Variants in NOX4 observed in about 807,000 individuals in gnomAD.
NOX4 encodes the protein NADPH oxidase 4, also known as kidney oxidase-1.
NOX4 carries 69 observed loss-of-function variants against 87.6 expected under a neutral mutation model. That is an observed-to-expected ratio of 0.79 (90% confidence interval 0.65 to 0.96). The LOEUF is 0.96. Ranked by LOEUF, NOX4 falls within the 40% of genes least tolerant of loss-of-function variation. NOX4 has a pLI of 0.00. For missense variants in NOX4, 680 were observed against 681.5 expected, an observed-to-expected ratio of 1.00 and a Z score of 0.02; for synonymous variants, 275 against 238.2, an observed-to-expected ratio of 1.15 and a Z score of -1.42.
At chr11:89,330,638 A>C (rs554703089) in intron 17 of NOX4, among the ~76,000 whole-genome samples, 1 of 151,670 alleles carries the variant, frequency 6.6e-6, no homozygotes, top group Admixed American at 6.6e-5. Flanking sequence ...GAAAAAAAAA[A>C]AAAAATACAG....
chr11:89,520,705 A>G, the NOX4 span, among the ~76,000 whole-genome samples: 3 of 152,126 alleles, frequency 2.0e-5, no homozygotes, highest in Non-Finnish European at 4.4e-5. Flanking sequence ...TAGAGCAATC[A>G]GGCAAGAGAA....
intron 7 of NOX4, among the ~76,000 whole-genome samples, chr11:89,427,807 C>G (rs1462925805): frequency 6.6e-6 from 1 of 152,152 alleles, no homozygotes. Flanking sequence ...AAGATATTAT[C>G]CAGGAGAACT....
Position 89,440,718 on chromosome 11 carries a change from G to T in NOX4, c.448-3C>A. The T allele has an allele frequency of 6.6e-7, 1 of 1,507,484 alleles. No individual in the cohort carries two copies. The highest frequency in any genetic ancestry group is 9.1e-7 in the Non-Finnish European group (1 of 1,101,164). The allele number at this position is 1,507,484 out of a possible 1,614,324, so 93.4% of individuals were successfully genotyped here. A position where few individuals can be genotyped will look rare whatever the true frequency, so the allele number is the denominator to read the frequency against. On this transcript the variant is annotated splice_region_variant and splice_polypyrimidine_tract_variant and intron_variant, in intron 5 of 17. Transcript: ENST00000263317. ...GTGAAGAGAAGTTTTCTAGGATCCTGAGAAAAAGAAAAAAAAATAAATGAT... is the reference window on the plus strand; with the variant it reads ...GTGAAGAGAAGTTTTCTAGGATCCTTAGAAAAAGAAAAAAAAATAAATGAT...
At chr11:89,452,846 C>G (rs568628812) in intron 2 of NOX4, among the ~76,000 whole-genome samples, 1 of 152,164 alleles carries the variant, frequency 6.6e-6, no homozygotes, top group East Asian at 1.9e-4. Context: ...TTCTGAGTAG[C>G]TAGGACTACA....
chr11:89,532,128 C>T, the NOX4 span, among the ~76,000 whole-genome samples: 1 of 152,314 alleles, frequency 6.6e-6, no homozygotes, highest in East Asian at 1.9e-4. Flanking sequence ...TGAGCTCCCA[C>T]ACAAAAGTCC....
intron 8 of NOX4, among the ~76,000 whole-genome samples, chr11:89,409,991 C>T (rs1448670020): frequency 6.6e-6 from 1 of 152,010 alleles, no homozygotes; most frequent in Non-Finnish European, 1.5e-5. Flanking sequence ...AGGGGCTGAG[C>T]TGGGAGGATT....
the NOX4 span, among the ~76,000 whole-genome samples, chr11:89,544,453 G>A: frequency 7.9e-5 from 12 of 152,198 alleles, no homozygotes; most frequent in South Asian, 8.3e-4. Context: ...GAACACTGGC[G>A]AGTGACTCAG....
intron 2 of NOX4, among the ~76,000 whole-genome samples, chr11:89,475,163 A>G (rs1404549888): frequency 1.3e-5 from 2 of 152,004 alleles, no homozygotes; most frequent in South Asian, 2.1e-4. Flanking sequence ...ATTCTGAATG[A>G]TCACACTGCT....
At chr11:89,540,441 T>C in the NOX4 span, among the ~76,000 whole-genome samples, 34 of 150,688 alleles carry the variant, frequency 2.3e-4, no homozygotes, top group African/African-American at 8.3e-4. Flanking sequence ...TTTTTTTTCA[T>C]TTTGAACTCT....
At chr11:89,334,122 T>C (rs1195374505) in intron 17 of NOX4, among the ~76,000 whole-genome samples, 3 of 151,710 alleles carry the variant, frequency 2.0e-5, no homozygotes, top group African/African-American at 7.3e-5. Flanking sequence ...AACTATCAGT[T>C]TTCAGCAATA....
rs1278812638 is a variant in NOX4, at chr11:89,325,355, T to G, written c.*1401A>C. 1 of 152,068 alleles carries G rather than the reference T, an allele frequency of 6.6e-6. No individual in the cohort carries two copies. Among genetic ancestry groups the G allele is most frequent in the Non-Finnish European group, 1.5e-5 (1 of 68,050 alleles). 9.4% of individuals were successfully genotyped at this position (152,068 alleles called of 1,614,324 possible). On this transcript the variant is annotated 3_prime_UTR_variant, in exon 18 of 18. Transcript: ENST00000263317. Reference sequence around the variant, plus strand: ...GTCAGGCTGGTCTTGAACTCTGACCTCGTGATCCACCTGCCTTGGCCTCCC... The same window carrying G: ...GTCAGGCTGGTCTTGAACTCTGACCGCGTGATCCACCTGCCTTGGCCTCCC...
intron 17 of NOX4, among the ~76,000 whole-genome samples, chr11:89,334,928 A>C (rs1163145008): frequency 5.9e-5 from 9 of 151,768 alleles, no homozygotes; most frequent in Admixed American, 3.3e-4. Flanking sequence ...CTTAAATGAA[A>C]GAAAAAGAAT....
chr11:89,421,189 T>G (rs538370621), intron 8 of NOX4, among the ~76,000 whole-genome samples: 3 of 152,296 alleles, frequency 2.0e-5, no homozygotes, highest in South Asian at 4.1e-4. Flanking sequence ...AGACTTATTA[T>G]GTCATGCAGG....
At chr11:89,561,087 C>A in the NOX4 span, among the ~76,000 whole-genome samples, 9 of 31,924 alleles carry the variant, frequency 2.8e-4, no homozygotes, top group African/African-American at 3.8e-4. Flanking sequence ...ATATATATAT[C>A]CTATCAGTTC....
At chr11:89,341,927 A>G (rs1428058462) in intron 14 of NOX4, 147 bp downstream of exon 14, 3 of 677,928 alleles carry the variant, frequency 4.4e-6, no homozygotes, top group African/African-American at 3.7e-5. Context: ...GAATCACTGA[A>G]TTATTCCCCT....
chr11:89,535,055 TC>T, the NOX4 span, among the ~76,000 whole-genome samples: 2 of 152,222 alleles, frequency 1.3e-5, no homozygotes, highest in Non-Finnish European at 2.9e-5. Flanking sequence ...TTAATCTGTC[TC>T]CGCAATCTGA....
chr11:89,579,071 T>C, the NOX4 span, among the ~76,000 whole-genome samples: 4 of 152,196 alleles, frequency 2.6e-5, no homozygotes, highest in African/African-American at 7.2e-5. Context: ...GCATACCATA[T>C]GATTACAACT....
At chr11:89,442,218 C>G (rs936162003) in intron 5 of NOX4, among the ~76,000 whole-genome samples, 1 of 151,228 alleles carries the variant, frequency 6.6e-6, no homozygotes, top group Non-Finnish European at 1.5e-5. Context: ...TAACTTAAAA[C>G]GTTGAGTTGC....
At chr11:89,579,121 A>C in the NOX4 span, among the ~76,000 whole-genome samples, 3 of 152,238 alleles carry the variant, frequency 2.0e-5, no homozygotes, top group African/African-American at 7.2e-5. Flanking sequence ...GGAGATACTA[A>C]AAAGATAATT....
Sources: gnomAD v4.1 joint callset for allele counts (sites outside exome capture counted in the v4.1 genomes callset) on GRCh38, gnomAD v4.1.1 for gene constraint, MANE v1.5 for transcripts, NCBI Gene and HGNC (gene_info 2026-07-23, HGNC 2026-07-21) for gene names.